Variants in RCAN2 observed in about 807,000 individuals in gnomAD.
RCAN2 encodes the protein regulator of calcineurin 2, also known as calcipressin-2.
Under a neutral mutation model 23.6 loss-of-function variants are expected in RCAN2, and 9 were observed. The observed-to-expected ratio is 0.38, with a 90% CI of 0.23 to 0.67. The LOEUF (loss-of-function observed/expected upper bound fraction) is 0.67. Ranked by LOEUF, RCAN2 falls within the 30% of genes least tolerant of loss-of-function variation. The pLI, the probability that RCAN2 is intolerant of heterozygous loss-of-function variation, is 0.51. For missense variants in RCAN2, 273 were observed against 302.3 expected (o/e 0.90, Z 0.72); for synonymous variants, 109 against 115.7 (o/e 0.94, Z 0.37).
chr6:46,366,936 A>T (rs1389619943), intron 2 of RCAN2, among the ~76,000 whole-genome samples: 1 of 149,066 alleles, frequency 6.7e-6, no homozygotes, highest in Non-Finnish European at 1.5e-5. Context: ...TCACAAATAC[A>T]CAAATATATT....
Position 46,349,242 on chromosome 6 carries a change from C to T in RCAN2, c.226-100346G>A, listed in dbSNP as rs1487076540. Reference sequence around the variant, plus strand: ...CCAGAATATCTAAGAATTCTGGGTCCTGAAGCAATTTTAAATCTAGAGGAG... The same window carrying T: ...CCAGAATATCTAAGAATTCTGGGTCTTGAAGCAATTTTAAATCTAGAGGAG... On this transcript the variant is annotated intron_variant, in intron 2 of 4. Transcript: ENST00000371374. 2.6e-5 allele frequency among the ~76,000 whole-genome samples: 4 copies of T among 152,008 alleles called. No individual in the cohort carries two copies. In the East Asian group the frequency reaches 7.7e-4, roughly 29 times the overall value.
intron 2 of RCAN2, among the ~76,000 whole-genome samples, chr6:46,455,854 TAA>T (rs572741888): frequency 1.7e-4 from 17 of 100,820 alleles, no homozygotes; most frequent in Admixed American, 2.3e-4. Flanking sequence ...GAGATTCCGT[TAA>T]AAAAAAAAAA....
rs566876802 is a variant in RCAN2, at chr6:46,372,611, T to C, written c.225+84141A>G. Among the ~76,000 whole-genome samples, 5 of 152,362 alleles carry C rather than the reference T, an allele frequency of 3.3e-5. No individual in the cohort carries two copies. In the South Asian group the frequency reaches 1.0e-3, roughly 32 times the overall value. On this transcript the variant is annotated intron_variant, in intron 2 of 4. Coordinates refer to ENST00000371374, the MANE Select transcript of RCAN2 (RefSeq NM_001251974.2). ...CAATATCTCTAGGTGACACACATTA[T>C]ATAAATTGCTAAGTGCTCAGAATTA...
intron 4 of RCAN2, among the ~76,000 whole-genome samples, chr6:46,229,323 C>T (rs1697571308): frequency 6.6e-6 from 1 of 152,144 alleles, no homozygotes; most frequent in Admixed American, 6.5e-5. Flanking sequence ...GCCTGACTTG[C>T]TAGGTTGGGG....
At chr6:46,367,165 T>C (rs1411578524) in intron 2 of RCAN2, among the ~76,000 whole-genome samples, 3 of 150,366 alleles carry the variant, frequency 2.0e-5, no homozygotes, top group Non-Finnish European at 3.0e-5. Flanking sequence ...GAAGCTACCA[T>C]CTCAACATGT....
At chr6:46,279,897 G>A (rs535080441) in intron 2 of RCAN2, among the ~76,000 whole-genome samples, 1 of 152,334 alleles carries the variant, frequency 6.6e-6, no homozygotes, top group Admixed American at 6.5e-5. Flanking sequence ...AAAAAGGGTT[G>A]CTGAATGAGC....
At chr6:46,469,088 G>A (rs977508598) in intron 1 of RCAN2, among the ~76,000 whole-genome samples, 1 of 152,110 alleles carries the variant, frequency 6.6e-6, no homozygotes, top group African/African-American at 2.4e-5. Context: ...TCCTACAGAA[G>A]CCAGGGCTGA....
At position 46,222,985 on chromosome 6, in the gene RCAN2, C is replaced by G. The variant is rs922882891; in HGVS notation, c.*156G>C. The stretch of plus-strand genomic sequence containing the variant: ...ATGATATGATCAGGAGACATATCAC[C>G]TTTTCCTAGCCCTTTTGTCCGAGAG... On this transcript the variant is annotated 3_prime_UTR_variant, in exon 5 of 5. Transcript: ENST00000371374. 2 of 731,822 alleles carry G rather than the reference C, an allele frequency of 2.7e-6. No individual in the cohort carries two copies. Among genetic ancestry groups the G allele is most frequent in the African/African-American group, 3.5e-5 (2 of 57,010 alleles). The allele number at this position is 731,822 out of a possible 1,614,324, so 45.3% of individuals were successfully genotyped here.
intron 2 of RCAN2, among the ~76,000 whole-genome samples, chr6:46,399,830 T>A (rs185140576): frequency 6.6e-6 from 1 of 152,254 alleles, no homozygotes; most frequent in East Asian, 1.9e-4. Context: ...CATCTTGAGA[T>A]CATTAACTTA....
At chr6:46,264,921 C>T (rs2584084) in intron 2 of RCAN2, among the ~76,000 whole-genome samples, 2,267 of 152,202 alleles carry the variant, frequency 0.015, 48 homozygotes, top group African/African-American at 0.049. Flanking sequence ...GATGAAGAAA[C>T]GAGTTAAAAG....
At chr6:46,335,033 T>C (rs1359903268) in intron 2 of RCAN2, among the ~76,000 whole-genome samples, 48 of 152,324 alleles carry the variant, frequency 3.2e-4, no homozygotes, top group Non-Finnish European at 2.9e-5. Context: ...CATTGCATTC[T>C]CTGGAAACTT....
At chr6:46,374,553 C>T (rs1765409416) in intron 2 of RCAN2, among the ~76,000 whole-genome samples, 1 of 152,164 alleles carries the variant, frequency 6.6e-6, no homozygotes, top group Non-Finnish European at 1.5e-5. Context: ...GATGGCAACG[C>T]TTAACCATTT....
At chr6:46,310,988 G>T (rs1763241144) in intron 2 of RCAN2, among the ~76,000 whole-genome samples, 1 of 152,128 alleles carries the variant, frequency 6.6e-6, no homozygotes, top group Admixed American at 6.6e-5. Context: ...TTAGAGAAGA[G>T]GCAATAATAA....
chr6:46,286,866 G>A (rs1463038607), intron 2 of RCAN2, among the ~76,000 whole-genome samples: 3 of 152,134 alleles, frequency 2.0e-5, no homozygotes, highest in Non-Finnish European at 2.9e-5. Context: ...TTAGCTGGGT[G>A]TGGTGGCACA....
intron 2 of RCAN2, among the ~76,000 whole-genome samples, chr6:46,290,572 C>T (rs891889491): frequency 6.6e-6 from 1 of 152,058 alleles, no homozygotes; most frequent in African/African-American, 2.4e-5. Flanking sequence ...AATTATTGTT[C>T]CAGGATAATC....
At chr6:46,327,583 T>A (rs1164435050) in intron 2 of RCAN2, among the ~76,000 whole-genome samples, 3 of 152,114 alleles carry the variant, frequency 2.0e-5, no homozygotes, top group Non-Finnish European at 4.4e-5. Context: ...AAATGTAAAG[T>A]AATACAAAGA....
intron 4 of RCAN2, among the ~76,000 whole-genome samples, chr6:46,235,478 C>T (rs980291146): frequency 2.6e-5 from 4 of 152,212 alleles, no homozygotes; most frequent in African/African-American, 9.6e-5. Flanking sequence ...TGAGGAGCTA[C>T]ATATCCAGGC....
At chr6:46,387,957 C>A (rs894880258) in intron 2 of RCAN2, among the ~76,000 whole-genome samples, 2 of 152,078 alleles carry the variant, frequency 1.3e-5, no homozygotes, top group East Asian at 1.9e-4. Context: ...TTTGTAGGGA[C>A]ATGGATGAAG....
At chr6:46,444,329 G>A (rs1046155696) in intron 2 of RCAN2, among the ~76,000 whole-genome samples, 1 of 152,092 alleles carries the variant, frequency 6.6e-6, no homozygotes, top group Non-Finnish European at 1.5e-5. Flanking sequence ...CAAGGCCAAA[G>A]GCTTTAAACT....
Sources: gnomAD v4.1 joint callset for allele counts (sites outside exome capture counted in the v4.1 genomes callset) on GRCh38, gnomAD v4.1.1 for gene constraint, MANE v1.5 for transcripts, NCBI Gene and HGNC (gene_info 2026-07-23, HGNC 2026-07-21) for gene names.